TARBP1: variants seen among roughly 807,000 people sequenced by gnomAD.
TARBP1 encodes tRNA (guanosine(18)-2'-O)-methyltransferase TARBP1.
Under a neutral mutation model 178.6 loss-of-function variants are expected in TARBP1, and 144 were observed. The ratio of observed to expected loss-of-function variants is 0.81; its 90% CI spans 0.70 to 0.93. The LOEUF (loss-of-function observed/expected upper bound fraction) is 0.93. Among genes scored for constraint, TARBP1 ranks in the 40% least tolerant of loss-of-function variants. TARBP1 has a pLI of 0.00. For missense variants in TARBP1, 2,067 were observed against 2,011.7 expected (o/e 1.03, Z -0.53); for synonymous variants, 787 against 781.0 (o/e 1.01, Z -0.13).
At chr1:234,410,204 C>T (rs999681348) in intron 23 of TARBP1, among the ~76,000 whole-genome samples, 6 of 152,142 alleles carry the variant, frequency 3.9e-5, no homozygotes, top group African/African-American at 1.4e-4. Flanking sequence ...CAAAAACTTA[C>T]CCAGTAGTTT....
At chr1:234,442,298 G>T (rs1332278711) in intron 12 of TARBP1, among the ~76,000 whole-genome samples, 1 of 152,122 alleles carries the variant, frequency 6.6e-6, no homozygotes, top group Non-Finnish European at 1.5e-5. Flanking sequence ...AAAATGAAAA[G>T]ATAAGCTGCA....
chr1:234,475,250 G>T (rs1372340939), intron 1 of TARBP1, among the ~76,000 whole-genome samples: 1 of 152,160 alleles, frequency 6.6e-6, no homozygotes, highest in Admixed American at 6.5e-5. Flanking sequence ...GTGATCAACT[G>T]CCAAAACGTG....
rs535798355 is a variant in TARBP1, at chr1:234,469,774, G to A, written c.1099+1414C>T. 3.3e-5 allele frequency among the ~76,000 whole-genome samples: 5 copies of A among 152,340 alleles called. No individual in the cohort carries two copies. In the East Asian group the frequency reaches 9.6e-4, roughly 29 times the overall value. On this transcript the variant is annotated intron_variant, in intron 3 of 29. Coordinates refer to ENST00000040877, the MANE Select transcript of TARBP1 (RefSeq NM_005646.4). ...TATAAAATACATTTAGGAAGCTCCA[G>A]CTTCATTGTGTATCTCCTAAAAAGC... is the stretch of plus-strand genomic sequence containing the variant.
intron 21 of TARBP1, among the ~76,000 whole-genome samples, chr1:234,419,052 G>A (rs1306408580): frequency 1.3e-5 from 2 of 151,948 alleles, no homozygotes; most frequent in Non-Finnish European, 2.9e-5. Context: ...GGCGCCTGTA[G>A]TCCCAGCTAC....
chr1:234,453,917 G>A (rs93532), intron 9 of TARBP1, among the ~76,000 whole-genome samples: 81,799 of 151,846 alleles, frequency 0.54, 23,093 homozygotes, highest in African/African-American at 0.71. Context: ...AATGACTCCA[G>A]GACATTAGGA....
Position 234,393,551 on chromosome 1 carries a change from T to C in TARBP1, c.4436-65A>G. The C allele has an allele frequency of 2.5e-6, 4 of 1,572,990 alleles. 1 individual carries two copies. In the South Asian group the frequency reaches 4.7e-5, roughly 18 times the overall value. On this transcript the variant is annotated intron_variant, in intron 27 of 29. Transcript: ENST00000040877. ...ACAATGCTAAGCTCATCATGTCGCATACATTCCTTTGAAGCTCCCGTGGCA... is the reference window on the plus strand; with the variant it reads ...ACAATGCTAAGCTCATCATGTCGCACACATTCCTTTGAAGCTCCCGTGGCA...
At chr1:234,428,967 C>G (rs532246461) in intron 17 of TARBP1, among the ~76,000 whole-genome samples, 169 bp downstream of exon 17, 1 of 152,200 alleles carries the variant, frequency 6.6e-6, no homozygotes, top group Non-Finnish European at 1.5e-5. Flanking sequence ...TCTTCTACAT[C>G]TGTCAGATTT....
intron 2 of TARBP1, among the ~76,000 whole-genome samples, chr1:234,472,126 C>T (rs1038132694): frequency 6.6e-6 from 1 of 152,100 alleles, no homozygotes; most frequent in Non-Finnish European, 1.5e-5. Context: ...TACTTGAGGT[C>T]AGGAGTGCAA....
At chr1:234,428,007 A>C (rs1297333726) in intron 17 of TARBP1, among the ~76,000 whole-genome samples, 1 of 152,228 alleles carries the variant, frequency 6.6e-6, no homozygotes, top group African/African-American at 2.4e-5. Context: ...CAAGAGAAAC[A>C]ACTGCCAAAG....
At chr1:234,417,319 A>G (rs1391447537) in intron 22 of TARBP1, among the ~76,000 whole-genome samples, 3 of 152,118 alleles carry the variant, frequency 2.0e-5, no homozygotes, top group African/African-American at 7.2e-5. Flanking sequence ...AAGGAGACAC[A>G]AACAGGTCAC....
rs765659539 is a variant in TARBP1, at chr1:234,479,057, G to A, written c.47C>T (p.Pro16Leu). 7.1e-6 allele frequency: 11 copies of A among 1,539,882 alleles called. No homozygotes were observed. The highest frequency in any genetic ancestry group is 9.5e-6 in the Non-Finnish European group (11 of 1,156,388). ...AEALLSQSRD[P>L]RALLGALCQG... is the part of the protein sequence containing the mutation. ...GCACAGCGCCCCAAGCAGGGCCCGG[G>A]GGTCCCGGCTCTGCGAGAGCAGCGC... Residue 16 changes from proline (P) to leucine (L), a missense_variant, in exon 1 of 30, where the codon CCC (proline) becomes CTC (leucine). By Grantham distance (98) the Pro-to-Leu change is moderately conservative (BLOSUM62 -3). Coordinates refer to ENST00000040877, the MANE Select transcript of TARBP1 (RefSeq NM_005646.4).
chr1:234,393,891 T>A, intron 26 of TARBP1, 54 bp from the exon 27 acceptor site: 1 of 1,288,964 alleles, frequency 7.8e-7, no homozygotes, highest in Non-Finnish European at 1.1e-6. Flanking sequence ...AATCTCTATA[T>A]ATTTATGTAT....
At chr1:234,409,796 T>C (rs1661614934) in intron 23 of TARBP1, among the ~76,000 whole-genome samples, 1 of 152,252 alleles carries the variant, frequency 6.6e-6, no homozygotes, top group Admixed American at 6.5e-5. Flanking sequence ...CTAGAGTTTA[T>C]AGTATATCAG....
intron 21 of TARBP1, among the ~76,000 whole-genome samples, chr1:234,418,983 T>C (rs955575372): frequency 7.6e-4 from 115 of 152,146 alleles, no homozygotes; most frequent in Non-Finnish European, 8.8e-4. Context: ...CCATCCTGGC[T>C]AACACGGTGA....
chr1:234,403,373 T>C (rs1262617446), intron 24 of TARBP1, among the ~76,000 whole-genome samples: 1 of 152,236 alleles, frequency 6.6e-6, no homozygotes, highest in Non-Finnish European at 1.5e-5. Context: ...AAACATCATG[T>C]TACTTAGAAA....
At chr1:234,408,197 A>C (rs991159793) in intron 23 of TARBP1, among the ~76,000 whole-genome samples, 2 of 151,828 alleles carry the variant, frequency 1.3e-5, no homozygotes, top group Non-Finnish European at 2.9e-5. Context: ...ATAATTAAGA[A>C]AGGTTTTTTT....
intron 8 of TARBP1, 51 bp from the exon 9 acceptor site, chr1:234,457,807 T>C (rs776346259): frequency 3.6e-6 from 5 of 1,389,032 alleles, no homozygotes; most frequent in Non-Finnish European, 5.0e-6. Context: ...AAATGTTTAA[T>C]TGAATAAACT....
chr1:234,431,913 G>A (rs1307969590), intron 14 of TARBP1, among the ~76,000 whole-genome samples: 1 of 151,714 alleles, frequency 6.6e-6, no homozygotes, highest in Non-Finnish European at 1.5e-5. Context: ...CGAGGTGGGT[G>A]GATCACCTAG....
intron 3 of TARBP1, among the ~76,000 whole-genome samples, chr1:234,469,627 A>G (rs1332320355): frequency 6.6e-6 from 1 of 152,262 alleles, no homozygotes; most frequent in Non-Finnish European, 1.5e-5. Flanking sequence ...AGTAGGCACT[A>G]AAAACCATTT....
Sources: gnomAD v4.1 joint callset for allele counts (sites outside exome capture counted in the v4.1 genomes callset) on GRCh38, gnomAD v4.1.1 for gene constraint, MANE v1.5 for transcripts, NCBI Gene and HGNC (gene_info 2026-07-23, HGNC 2026-07-21) for gene names.